Variants in NKAIN2 observed in about 807,000 individuals in gnomAD.
NKAIN2 encodes the protein sodium/potassium-transporting ATPase subunit beta-1-interacting protein 2.
A neutral mutation model predicts 32.6 loss-of-function variants in NKAIN2; 14 were observed. That is an observed-to-expected ratio of 0.43 (90% confidence interval 0.28 to 0.67). The LOEUF (loss-of-function observed/expected upper bound fraction) is 0.67. Among genes scored for constraint, NKAIN2 ranks in the 30% least tolerant of loss-of-function variants. The pLI, the probability that NKAIN2 is intolerant of heterozygous loss-of-function variation, is 0.17. For synonymous variants in NKAIN2, 80 were observed against 87.2 expected, an observed-to-expected ratio of 0.92 and a Z score of 0.46; for missense variants, 198 against 258.3, an observed-to-expected ratio of 0.77 and a Z score of 1.60.
intron 2 of NKAIN2, among the ~76,000 whole-genome samples, chr6:124,335,145 TA>T (rs1289962027): frequency 6.6e-6 from 1 of 152,160 alleles, no homozygotes; most frequent in African/African-American, 2.4e-5. Flanking sequence ...ATGCACCCAG[TA>T]AAAATTTAGA....
intron 3 of NKAIN2, among the ~76,000 whole-genome samples, chr6:124,382,943 TTA>T (rs1326339388): frequency 6.6e-6 from 1 of 152,178 alleles, no homozygotes; most frequent in African/African-American, 2.4e-5. Flanking sequence ...CCAAAGTGGC[TTA>T]TATGTTTCAC....
intron 4 of NKAIN2, among the ~76,000 whole-genome samples, chr6:124,715,828 T>C (rs1775725327): frequency 6.6e-6 from 1 of 152,218 alleles, no homozygotes; most frequent in Non-Finnish European, 1.5e-5. Flanking sequence ...AACATCTAGA[T>C]TCTGGCTAAA....
intron 1 of NKAIN2, among the ~76,000 whole-genome samples, chr6:123,973,281 A>G (rs552681796): frequency 6.6e-6 from 1 of 152,218 alleles, no homozygotes; most frequent in South Asian, 2.1e-4. Flanking sequence ...CTTATTATTA[A>G]CAGTTAGAGC....
At chr6:123,838,714 T>C (rs1774734230) in intron 1 of NKAIN2, among the ~76,000 whole-genome samples, 1 of 152,130 alleles carries the variant, frequency 6.6e-6, no homozygotes, top group African/African-American at 2.4e-5. Context: ...AAGCAGTGTG[T>C]TTTATTACCT....
At chr6:124,204,447 A>G (rs2114636445) in intron 1 of NKAIN2, among the ~76,000 whole-genome samples, 1 of 151,916 alleles carries the variant, frequency 6.6e-6, no homozygotes, top group East Asian at 1.9e-4. Context: ...AAAAAATATG[A>G]AAAAATAAAT....
chr6:124,180,396 G>T (rs1268214124), intron 1 of NKAIN2, among the ~76,000 whole-genome samples: 1 of 152,050 alleles, frequency 6.6e-6, no homozygotes, highest in Middle Eastern at 3.2e-3. Context: ...CAGCTCTCCT[G>T]AGACTTATTC....
chr6:124,064,542 A>G (rs1783072640), intron 1 of NKAIN2, among the ~76,000 whole-genome samples: 1 of 152,042 alleles, frequency 6.6e-6, no homozygotes, highest in Admixed American at 6.6e-5. Flanking sequence ...TTAAAACTAG[A>G]AAACAAAATC....
At chr6:124,666,962 C>T (rs1440697102) in intron 4 of NKAIN2, among the ~76,000 whole-genome samples, 1 of 152,034 alleles carries the variant, frequency 6.6e-6, no homozygotes, top group Non-Finnish European at 1.5e-5. Context: ...TCAGTTTCTT[C>T]CACTGCTCAT....
At chr6:124,589,887 C>T (rs1159264306) in intron 3 of NKAIN2, among the ~76,000 whole-genome samples, 1 of 151,140 alleles carries the variant, frequency 6.6e-6, no homozygotes, top group Non-Finnish European at 1.5e-5. Flanking sequence ...TCCATGTGTT[C>T]TCATTATTCA....
chr6:124,152,590 G>A (rs1787786601), intron 1 of NKAIN2, among the ~76,000 whole-genome samples: 1 of 151,848 alleles, frequency 6.6e-6, no homozygotes, highest in Admixed American at 6.6e-5. Context: ...AGCCACTATG[G>A]GAAACAATAT....
chr6:123,972,637 A>C (rs746275617), intron 1 of NKAIN2, among the ~76,000 whole-genome samples: 6 of 152,174 alleles, frequency 3.9e-5, no homozygotes, highest in Non-Finnish European at 7.4e-5. Flanking sequence ...GCTTGGAGAA[A>C]GTCCCCCTTG....
intron 3 of NKAIN2, among the ~76,000 whole-genome samples, chr6:124,387,110 A>AT (rs1458225283): frequency 6.6e-6 from 1 of 152,100 alleles, no homozygotes; most frequent in Non-Finnish European, 1.5e-5. Flanking sequence ...GAAAACATGC[A>AT]TTTTCCATGA....
chr6:124,334,504 G>A (rs1253418448), intron 2 of NKAIN2, among the ~76,000 whole-genome samples: 1 of 151,456 alleles, frequency 6.6e-6, no homozygotes, highest in African/African-American at 2.4e-5. Flanking sequence ...GCAGACTACT[G>A]ATTGGTCAGG....
chr6:124,420,119 A>G (rs969447584), intron 3 of NKAIN2, among the ~76,000 whole-genome samples: 2 of 152,184 alleles, frequency 1.3e-5, no homozygotes, highest in African/African-American at 2.4e-5. Context: ...AAATCAAACA[A>G]TAACTTCAGA....
intron 1 of NKAIN2, among the ~76,000 whole-genome samples, chr6:124,248,505 T>G (rs1361163516): frequency 6.6e-6 from 1 of 152,104 alleles, no homozygotes; most frequent in African/African-American, 2.4e-5. Context: ...TACTTATTAA[T>G]TCCCAAGGAT....
At chr6:124,413,442 C>T (rs9482551) in intron 3 of NKAIN2, among the ~76,000 whole-genome samples, 18,769 of 152,064 alleles carry the variant, frequency 0.12, 1,787 homozygotes, top group African/African-American at 0.26. Flanking sequence ...ATCAATACCA[C>T]GCTGTATTGA....
At chr6:124,481,180 T>C (rs1777432834) in intron 3 of NKAIN2, among the ~76,000 whole-genome samples, 1 of 150,524 alleles carries the variant, frequency 6.6e-6, no homozygotes, top group Non-Finnish European at 1.5e-5. Flanking sequence ...CTTTTTTTTT[T>C]TTTTTTTTCA....
chr6:123,956,764 G>A lies in NKAIN2; in HGVS notation c.54+152510G>A, dbSNP rs149139837. ...CAGTTCCATCCAAGTTACAAGTTGC[G>A]TTAGGAGAAAGAAAAGGCTACACCT... is the stretch of plus-strand genomic sequence containing the variant. On this transcript the variant is annotated intron_variant, in intron 1 of 6. Coordinates refer to ENST00000368417, the MANE Select transcript of NKAIN2 (RefSeq NM_001040214.3). Among the ~76,000 whole-genome samples the A allele has an allele frequency of 2.5e-3, 374 of 152,274 alleles. 1 individual carries two copies. The highest frequency in any genetic ancestry group is 8.2e-3 in the African/African-American group (341 of 41,550).
At chr6:124,590,714 C>T (rs148703768) in intron 3 of NKAIN2, among the ~76,000 whole-genome samples, 1 of 152,162 alleles carries the variant, frequency 6.6e-6, no homozygotes. Context: ...GGCAAGAGTT[C>T]TTCATAACAG....
Sources: allele counts gnomAD v4.1 joint callset (sites outside exome capture counted in the v4.1 genomes callset), GRCh38; gene constraint gnomAD v4.1.1; transcripts MANE v1.5; gene names NCBI Gene and HGNC (gene_info 2026-07-23, HGNC 2026-07-21).